The following BABAM2 variants were observed in gnomAD, a reference collection of about 807,000 sequenced individuals.
The protein encoded by BABAM2 is BRISC and BRCA1 A complex member 2, also known as BRISC and BRCA1-A complex member 2.
In BABAM2, 31 loss-of-function variants were observed where a neutral mutation model predicts 54.7. That is an observed-to-expected ratio of 0.57 (90% CI 0.43 to 0.77). BABAM2 has a LOEUF of 0.77. Ranked by LOEUF, BABAM2 falls within the 30% of genes least tolerant of loss-of-function variation. The pLI, the probability that BABAM2 is intolerant of heterozygous loss-of-function variation, is 0.00. For missense variants in BABAM2, 364 were observed against 455.8 expected (o/e 0.80, Z 1.83); for synonymous variants, 167 against 162.9 (o/e 1.03, Z -0.19).
At chr2:28,149,966 CT>C (rs1437636891) in intron 7 of BABAM2, among the ~76,000 whole-genome samples, 1 of 152,114 alleles carries the variant, frequency 6.6e-6, no homozygotes, top group Non-Finnish European at 1.5e-5. Context: ...TACATAGTAT[CT>C]TTTCATCAGA....
intron 3 of BABAM2, among the ~76,000 whole-genome samples, chr2:27,959,810 C>G (rs1670341672): frequency 6.6e-6 from 1 of 152,098 alleles, no homozygotes; most frequent in African/African-American, 2.4e-5. Flanking sequence ...TTTTGAAAAA[C>G]TGCTCATTTT....
chr2:28,152,433 C>T (rs750023401), intron 7 of BABAM2, among the ~76,000 whole-genome samples: 4 of 152,138 alleles, frequency 2.6e-5, no homozygotes, highest in Admixed American at 2.6e-4. Flanking sequence ...GGATCTTTCT[C>T]CTCCTCCAAG....
In BABAM2 at chr2:27,959,965, A is replaced by G. The variant is rs142455512; in HGVS notation, c.206-28028A>G. On this transcript the variant is annotated intron_variant, in intron 3 of 11. Coordinates refer to ENST00000379624, the MANE Select transcript of BABAM2 (RefSeq NM_199191.3). ...CTTCTGAAAAGCATTTTTTATGTCT[A>G]CTTTTGAAGAATTCTGATTGCTTCA... is the stretch of plus-strand genomic sequence containing the variant. 2.4e-3 allele frequency among the ~76,000 whole-genome samples: 357 copies of G among 151,806 alleles called. 1 individual carries two copies. The highest frequency in any genetic ancestry group is 8.2e-3 in the African/African-American group (338 of 41,370).
intron 3 of BABAM2, among the ~76,000 whole-genome samples, chr2:27,957,536 C>G (rs1670172677): frequency 6.6e-6 from 1 of 152,174 alleles, no homozygotes; most frequent in Non-Finnish European, 1.5e-5. Context: ...CCTAGAATTA[C>G]CATCTCATTA....
At chr2:27,952,155 A>G (rs1669776675) in intron 3 of BABAM2, among the ~76,000 whole-genome samples, 1 of 152,178 alleles carries the variant, frequency 6.6e-6, no homozygotes. Flanking sequence ...TTAATTTTAC[A>G]CGGTACATCT....
At chr2:28,017,666 C>T (rs752518544) in intron 4 of BABAM2, among the ~76,000 whole-genome samples, 1 of 152,180 alleles carries the variant, frequency 6.6e-6, no homozygotes, top group Non-Finnish European at 1.5e-5. Context: ...TATGCATTAG[C>T]AGTCCTCATT....
chr2:28,008,063 A>G (rs1172293045), intron 4 of BABAM2, among the ~76,000 whole-genome samples: 1 of 152,190 alleles, frequency 6.6e-6, no homozygotes, highest in Non-Finnish European at 1.5e-5. Context: ...TGTCTAATGC[A>G]GTATTTGCAT....
intron 10 of BABAM2, among the ~76,000 whole-genome samples, chr2:28,255,199 A>G (rs924329245): frequency 6.6e-5 from 10 of 152,220 alleles, no homozygotes; most frequent in African/African-American, 2.2e-4. Flanking sequence ...ACAAGTAAGA[A>G]TCCGTGAATC....
chr2:27,965,831 T>G, intron 3 of BABAM2, among the ~76,000 whole-genome samples: 1 of 152,186 alleles, frequency 6.6e-6, no homozygotes, highest in East Asian at 1.9e-4. Flanking sequence ...TTTCTTTGTC[T>G]TTTTCTCCTT....
At chr2:28,041,809 C>T (rs1677121062) in intron 5 of BABAM2, among the ~76,000 whole-genome samples, 1 of 152,076 alleles carries the variant, frequency 6.6e-6, no homozygotes, top group Non-Finnish European at 1.5e-5. Flanking sequence ...TTTGAGCAAA[C>T]GAGGATTAGA....
chr2:27,910,066 A>G (rs1202090175), intron 2 of BABAM2, among the ~76,000 whole-genome samples: 1 of 152,210 alleles, frequency 6.6e-6, no homozygotes, highest in Admixed American at 6.5e-5. Context: ...TTCCATCTAT[A>G]ACAGTTCTCC....
intron 11 of BABAM2, chr2:28,309,939 G>A (rs974018652): frequency 2.2e-5 from 18 of 807,546 alleles, no homozygotes; most frequent in African/African-American, 1.6e-4. Context: ...AAGCTCACCC[G>A]TCCCTCCTGG....
At chr2:28,226,260 A>C (rs1346152924) in intron 7 of BABAM2, among the ~76,000 whole-genome samples, 1 of 152,194 alleles carries the variant, frequency 6.6e-6, no homozygotes, top group East Asian at 1.9e-4. Flanking sequence ...CTGGCCTTTT[A>C]CTGAAAAAGT....
intron 3 of BABAM2, among the ~76,000 whole-genome samples, chr2:27,932,783 A>T (rs2148358217): frequency 6.6e-6 from 1 of 152,290 alleles, no homozygotes; most frequent in Non-Finnish European, 1.5e-5. Flanking sequence ...GTTTACTAGG[A>T]CAGATGGCTT....
At chr2:28,201,192 AT>A (rs1553339759) in intron 7 of BABAM2, among the ~76,000 whole-genome samples, 1 of 151,858 alleles carries the variant, frequency 6.6e-6, no homozygotes, top group Non-Finnish European at 1.5e-5. Flanking sequence ...ATTGTTTTTT[AT>A]TTTTTTTAGG....
intron 4 of BABAM2, among the ~76,000 whole-genome samples, chr2:27,990,420 C>T (rs1672700817): frequency 6.6e-6 from 1 of 152,162 alleles, no homozygotes. Context: ...TTTTCCCCTT[C>T]CTGTAGTGCT....
intron 6 of BABAM2, among the ~76,000 whole-genome samples, chr2:28,122,578 C>A (rs1669172402): frequency 6.6e-6 from 1 of 152,070 alleles, no homozygotes; most frequent in Admixed American, 6.6e-5. Context: ...TGTTACGTGA[C>A]CTGTGATTTG....
At chr2:28,168,803 A>G (rs1164122007) in intron 7 of BABAM2, among the ~76,000 whole-genome samples, 1 of 152,140 alleles carries the variant, frequency 6.6e-6, no homozygotes, top group African/African-American at 2.4e-5. Flanking sequence ...TTTTCCCTTC[A>G]TGTTCCATCT....
chr2:28,124,012 G>A (rs1159325071), intron 6 of BABAM2, among the ~76,000 whole-genome samples: 1 of 152,202 alleles, frequency 6.6e-6, no homozygotes, highest in East Asian at 1.9e-4. Flanking sequence ...TAGGCATATG[G>A]AATAAAGCCC....
Sources: allele counts gnomAD v4.1 joint callset (sites outside exome capture counted in the v4.1 genomes callset), GRCh38; gene constraint gnomAD v4.1.1; transcripts MANE v1.5; gene names NCBI Gene and HGNC (gene_info 2026-07-23, HGNC 2026-07-21).